TTLL11: variants seen among roughly 807,000 people sequenced by gnomAD.
TTLL11 encodes the protein tubulin tyrosine ligase like 11, also known as tubulin polyglutamylase TTLL11.
Under a neutral mutation model 51.7 loss-of-function variants are expected in TTLL11, and 42 were observed. The observed-to-expected ratio is 0.81, with a 90% CI of 0.64 to 1.05. TTLL11 has a LOEUF of 1.05. Among genes scored for constraint, TTLL11 ranks in the 50% least tolerant of loss-of-function variants. The pLI is 0.00. For missense variants in TTLL11, 799 were observed against 940.4 expected (o/e 0.85, Z 1.97); for synonymous variants, 381 against 383.5 (o/e 0.99, Z 0.08).
intron 1 of TTLL11, among the ~76,000 whole-genome samples, chr9:122,059,188 T>C (rs1449637342): frequency 6.6e-6 from 1 of 152,216 alleles, no homozygotes; most frequent in African/African-American, 2.4e-5. Flanking sequence ...GAAACTGAGA[T>C]TCTAGTCCTA....
chr9:121,906,615 G>A (rs1839957997), intron 6 of TTLL11, among the ~76,000 whole-genome samples: 1 of 151,970 alleles, frequency 6.6e-6, no homozygotes, highest in Non-Finnish European at 1.5e-5. Flanking sequence ...TAATCTGCTA[G>A]TAAGCATGTG....
intron 1 of TTLL11, among the ~76,000 whole-genome samples, chr9:122,068,208 T>C (rs928255085): frequency 6.6e-6 from 1 of 152,188 alleles, no homozygotes; most frequent in South Asian, 2.1e-4. Flanking sequence ...TACTAAATTA[T>C]ATAAAAGGAA....
At chr9:121,851,838 G>A (rs931713986) in intron 8 of TTLL11, among the ~76,000 whole-genome samples, 4 of 16,600 alleles carry the variant, frequency 2.4e-4, no homozygotes, top group African/African-American at 2.0e-3. Context: ...GAGGAGTGGT[G>A]GGGGGGAAGC....
At chr9:121,864,266 C>T (rs753844665) in intron 7 of TTLL11, among the ~76,000 whole-genome samples, 21 of 152,136 alleles carry the variant, frequency 1.4e-4, no homozygotes, top group Non-Finnish European at 2.6e-4. Flanking sequence ...AGAGACTATA[C>T]GTGATCTTAG....
At chr9:121,875,920 G>A (rs183938232) in intron 6 of TTLL11, among the ~76,000 whole-genome samples, 8 of 152,152 alleles carry the variant, frequency 5.3e-5, no homozygotes, top group Non-Finnish European at 1.0e-4. Context: ...TGAAACTTGT[G>A]AAAAACCACC....
chr9:121,830,420 C>T (rs1366190365), intron 8 of TTLL11, among the ~76,000 whole-genome samples: 1 of 152,188 alleles, frequency 6.6e-6, no homozygotes, highest in East Asian at 1.9e-4. Flanking sequence ...CTCCCTGCTC[C>T]CCACTGCACA....
At chr9:121,972,204 G>T (rs1403992170) in intron 6 of TTLL11, among the ~76,000 whole-genome samples, 1 of 151,846 alleles carries the variant, frequency 6.6e-6, no homozygotes, top group Non-Finnish European at 1.5e-5. Context: ...TGCCATACTG[G>T]CATAAAAGGC....
chr9:121,851,148 T>C (rs1352958531), intron 8 of TTLL11, among the ~76,000 whole-genome samples: 3 of 152,026 alleles, frequency 2.0e-5, no homozygotes, highest in Non-Finnish European at 2.9e-5. Context: ...GGCTAAACTA[T>C]AGAGAGTAAA....
chr9:122,046,790 T>A (rs778558152), intron 1 of TTLL11, among the ~76,000 whole-genome samples: 5 of 152,160 alleles, frequency 3.3e-5, no homozygotes, highest in African/African-American at 7.2e-5. Context: ...GAGATAGAGA[T>A]GAGGAAACGT....
chr9:122,052,014 T>C (rs1367310442), intron 1 of TTLL11, among the ~76,000 whole-genome samples: 2 of 149,412 alleles, frequency 1.3e-5, no homozygotes, highest in Non-Finnish European at 3.0e-5. Context: ...CCTTCAAGAG[T>C]GGACAAAAAA....
chr9:121,948,647 C>T (rs1564320760), intron 6 of TTLL11, among the ~76,000 whole-genome samples: 2 of 152,298 alleles, frequency 1.3e-5, no homozygotes, highest in East Asian at 3.9e-4. Flanking sequence ...GTTTGAAGAG[C>T]AACTTGCTCA....
In TTLL11 at chr9:121,870,714, C is replaced by T; in HGVS notation, c.1516G>A (p.Glu506Lys). The T allele has an allele frequency of 6.5e-7, 1 of 1,549,734 alleles. No homozygotes were observed. The change falls in exon 7 of 9, where the codon GAA becomes AAA. Residue 506 changes from glutamate (E) to lysine (K), a missense_variant. Physicochemically the swap from Glu to Lys is moderately conservative, Grantham distance 56. Transcript: ENST00000321582. ...GTCAGCTCGCCGTCCAAAGCATCTT[C>T]CTTTCCAGCGAATGGTTTTTCAAGC... ...QQLEKPFAGK[E>K]DALDGELTSA...
Position 121,886,568 on chromosome 9 carries a change from C to T in TTLL11, c.1482-15820G>A, listed in dbSNP as rs1422092696. The stretch of plus-strand genomic sequence containing the variant: ...GAGCTTTGGAGGGGGCATGGCCCTG[C>T]GGACACCCTGCTCTCAGACTTCTGG... On this transcript the variant is annotated intron_variant, in intron 6 of 8. Transcript: ENST00000321582. 3.3e-5 allele frequency among the ~76,000 whole-genome samples: 5 copies of T among 152,160 alleles called. No individual in the cohort carries two copies. In the South Asian group the frequency reaches 6.2e-4, roughly 19 times the overall value.
chr9:122,070,605 T>A (rs897561585), intron 1 of TTLL11, among the ~76,000 whole-genome samples: 2 of 152,120 alleles, frequency 1.3e-5, no homozygotes, highest in African/African-American at 4.8e-5. Flanking sequence ...GGTCTTGGGA[T>A]GGACTCAAAA....
At chr9:121,831,420 G>C (rs1837004563) in intron 8 of TTLL11, among the ~76,000 whole-genome samples, 1 of 152,210 alleles carries the variant, frequency 6.6e-6, no homozygotes, top group South Asian at 2.1e-4. Flanking sequence ...GAATGGTCTG[G>C]CTGGGCCCAG....
At chr9:121,882,171 T>C (rs908698493) in intron 6 of TTLL11, among the ~76,000 whole-genome samples, 1 of 152,182 alleles carries the variant, frequency 6.6e-6, no homozygotes, top group Non-Finnish European at 1.5e-5. Flanking sequence ...GTCACGTGCC[T>C]CCTAAACAGT....
At chr9:122,069,024 C>T (rs1204195781) in intron 1 of TTLL11, among the ~76,000 whole-genome samples, 1 of 152,232 alleles carries the variant, frequency 6.6e-6, no homozygotes, top group Non-Finnish European at 1.5e-5. Flanking sequence ...TGGCGCATAT[C>T]ACAAGAGTAA....
chr9:121,835,034 C>T (rs1837146344), intron 8 of TTLL11, among the ~76,000 whole-genome samples: 1 of 152,152 alleles, frequency 6.6e-6, no homozygotes, highest in Admixed American at 6.5e-5. Context: ...TCCATGGTCT[C>T]TACCCCTGTG....
At position 121,844,429 on chromosome 9, in the gene TTLL11, T is replaced by A. The variant is rs558593894; in HGVS notation, c.1840+15908A>T. ...CCTCACACTGAAAGCCTGATTACCT[T>A]GGTTCCTATTATCAGGTACTTCATG... is the stretch of plus-strand genomic sequence containing the variant. On this transcript the variant is annotated intron_variant, in intron 8 of 8. Coordinates refer to ENST00000321582, the MANE Select transcript of TTLL11 (RefSeq NM_001139442.2). Among the ~76,000 whole-genome samples, 6 of 152,320 alleles carry A rather than the reference T, an allele frequency of 3.9e-5. No homozygotes were observed. The South Asian group carries it at 1.2e-3, about 32-fold the overall frequency.
Sources: allele counts gnomAD v4.1 joint callset (sites outside exome capture counted in the v4.1 genomes callset), GRCh38; gene constraint gnomAD v4.1.1; transcripts MANE v1.5; gene names NCBI Gene and HGNC (gene_info 2026-07-23, HGNC 2026-07-21).